Variants in PNPT1 observed in about 807,000 individuals in gnomAD.
PNPT1 encodes polyribonucleotide nucleotidyltransferase 1, mitochondrial.
A neutral mutation model predicts 119.5 loss-of-function variants in PNPT1; 53 were observed. That is an observed-to-expected ratio of 0.44 (90% CI 0.36 to 0.56). PNPT1 has a LOEUF of 0.56. PNPT1 is among the 20% of genes least tolerant of loss of function. PNPT1 has a pLI of 0.00. For synonymous variants in PNPT1, 357 were observed against 322.1 expected, an observed-to-expected ratio of 1.11 and a Z score of -1.16; for missense variants, 948 against 938.5, an observed-to-expected ratio of 1.01 and a Z score of -0.13.
At chr2:55,660,031 G>C (rs935386352) in intron 15 of PNPT1, 126 bp downstream of exon 15, 4 of 872,222 alleles carry the variant, frequency 4.6e-6, no homozygotes, top group Non-Finnish European at 6.5e-6. Flanking sequence ...TTGAGCCTGG[G>C]AGGGAGAGGT....
At chr2:55,693,064 C>G (rs753969349) in intron 1 of PNPT1, among the ~76,000 whole-genome samples, 20 of 152,098 alleles carry the variant, frequency 1.3e-4, no homozygotes, top group Non-Finnish European at 2.5e-4. Flanking sequence ...TGGCTCTCTC[C>G]CTGTCCATCT....
intron 13 of PNPT1, among the ~76,000 whole-genome samples, chr2:55,663,840 G>A (rs1345660708): frequency 2.6e-5 from 4 of 152,022 alleles, no homozygotes; most frequent in Admixed American, 6.6e-5. Flanking sequence ...AAAATTAGCC[G>A]GGCGTGGTGG....
intron 26 of PNPT1, among the ~76,000 whole-genome samples, chr2:55,639,855 C>A (rs896998872): frequency 6.6e-6 from 1 of 152,066 alleles, no homozygotes; most frequent in African/African-American, 2.4e-5. Context: ...CCCTCCTGCC[C>A]CAACAAGATT....
chr2:55,691,459 A>C (rs1421220059), intron 1 of PNPT1, among the ~76,000 whole-genome samples: 1 of 152,226 alleles, frequency 6.6e-6, no homozygotes, highest in African/African-American at 2.4e-5. Context: ...AAAATGAAAG[A>C]ATTTATCCAG....
At chr2:55,685,988 A>G (rs186217567) in intron 3 of PNPT1, among the ~76,000 whole-genome samples, 51 of 152,274 alleles carry the variant, frequency 3.3e-4, no homozygotes, top group African/African-American at 1.1e-3. Context: ...TTTTCCCCCA[A>G]TATTTTCGAT....
At chr2:55,660,077 C>G in intron 15 of PNPT1, 80 bp downstream of exon 15, 2 of 1,388,674 alleles carry the variant, frequency 1.4e-6, no homozygotes, top group Non-Finnish European at 1.9e-6. Flanking sequence ...CCACTCCAGC[C>G]TGGACAACAG....
At chr2:55,688,048 C>CTT (rs766988624) in intron 1 of PNPT1, among the ~76,000 whole-genome samples, 4 of 141,712 alleles carry the variant, frequency 2.8e-5, no homozygotes, top group Admixed American at 7.1e-5. Context: ...TTTTTCTTTT[C>CTT]TTTTTTTTTT....
rs565856202 is a variant in PNPT1, at chr2:55,635,490, C to G, written c.*747G>C. 6.6e-6 allele frequency: 1 copy of G among 152,220 alleles called. No individual in the cohort carries two copies. The highest frequency in any genetic ancestry group is 1.9e-4 in the East Asian group (1 of 5,176). The allele number at this position is 152,220 out of a possible 1,614,324, so 9.4% of individuals were successfully genotyped here. ...CCACCACGCCCGGCTAATTTTTGCA[C>G]TTTTAGTAGAGACGGGGTTTCACCG... On this transcript the variant is annotated 3_prime_UTR_variant, in exon 28 of 28. Coordinates refer to ENST00000447944, the MANE Select transcript of PNPT1 (RefSeq NM_033109.5).
chr2:55,666,922 T>G, intron 13 of PNPT1, 69 bp downstream of exon 13: 1 of 979,550 alleles, frequency 1.0e-6, no homozygotes, highest in Non-Finnish European at 1.5e-6. Context: ...CATCTACTAA[T>G]GTACTTCTAT....
chr2:55,682,429 C>G (rs891205468), intron 5 of PNPT1, among the ~76,000 whole-genome samples: 153 of 151,958 alleles, frequency 1.0e-3, no homozygotes, highest in African/African-American at 3.5e-3. Flanking sequence ...CCATTGCACT[C>G]CAGCCTGGGT....
chr2:55,683,876 G>C (rs777820050), intron 4 of PNPT1, 42 bp from the exon 5 acceptor site: 2 of 1,592,068 alleles, frequency 1.3e-6, no homozygotes, highest in Non-Finnish European at 1.7e-6. Context: ...TACTGACAGA[G>C]TTGCTTTACA....
intron 9 of PNPT1, among the ~76,000 whole-genome samples, chr2:55,672,373 T>C (rs1302485847): frequency 6.6e-6 from 1 of 152,250 alleles, no homozygotes; most frequent in African/African-American, 2.4e-5. Context: ...GGCTCCATTA[T>C]CACATGAAAC....
intron 23 of PNPT1, among the ~76,000 whole-genome samples, chr2:55,644,109 G>T (rs1385553132): frequency 6.6e-6 from 1 of 152,118 alleles, no homozygotes; most frequent in Non-Finnish European, 1.5e-5. Context: ...CTTACGAGGG[G>T]TGAATAAATG....
intron 1 of PNPT1, among the ~76,000 whole-genome samples, chr2:55,693,058 T>C (rs182655866): frequency 3.9e-5 from 6 of 152,268 alleles, no homozygotes; most frequent in African/African-American, 1.4e-4. Context: ...CGTGTGTGGC[T>C]CTCTCCCTGT....
intron 18 of PNPT1, among the ~76,000 whole-genome samples, chr2:55,650,941 A>G: frequency 7.4e-6 from 1 of 135,206 alleles, no homozygotes; most frequent in Non-Finnish European, 1.6e-5. Flanking sequence ...TCCGGGAGGG[A>G]GGTGGGGGGA....
chr2:55,680,670 A>C (rs754599746), intron 7 of PNPT1, 42 bp downstream of exon 7: 1 of 1,572,842 alleles, frequency 6.4e-7, no homozygotes, highest in Non-Finnish European at 8.7e-7. Flanking sequence ...TACTGAAAAA[A>C]AAAATACACA....
At chr2:55,650,902 GTCA>G (rs1696161479) in intron 18 of PNPT1, among the ~76,000 whole-genome samples, 1 of 149,134 alleles carries the variant, frequency 6.7e-6, no homozygotes, top group East Asian at 2.0e-4. Context: ...AGGTGGGGGG[GTCA>G]GCCCCCCGCC....
intron 8 of PNPT1, among the ~76,000 whole-genome samples, chr2:55,678,135 CTACCCTGTAAAG>C (rs1697139341): frequency 6.6e-6 from 1 of 152,174 alleles, no homozygotes; most frequent in Non-Finnish European, 1.5e-5. Context: ...ATCTTCATAA[CTACCCTGTAAAG>C]TAATGAGACT....
rs1240837129 is a variant in PNPT1, at chr2:55,634,713, A to C, written c.*1524T>G. On this transcript the variant is annotated 3_prime_UTR_variant, in exon 28 of 28. Transcript: ENST00000447944. ...TGGGATTACAGGCGCCCGCCACCAC[A>C]CCCAGCTAATTTTTGTATTTTTAGT... 2.9e-5 allele frequency: 4 copies of C among 137,058 alleles called. No individual in the cohort carries two copies. Among genetic ancestry groups the C allele is most frequent in the Non-Finnish European group, 6.3e-5 (4 of 63,436 alleles). 8.5% of individuals were successfully genotyped at this position (137,058 alleles called of 1,614,324 possible). A position where few individuals can be genotyped will look rare whatever the true frequency, so the allele number is the denominator to read the frequency against.
Sources: gnomAD v4.1 joint callset for allele counts (sites outside exome capture counted in the v4.1 genomes callset) on GRCh38, gnomAD v4.1.1 for gene constraint, MANE v1.5 for transcripts, NCBI Gene and HGNC (gene_info 2026-07-23, HGNC 2026-07-21) for gene names.